TPD52L1: variants seen among roughly 807,000 people sequenced by gnomAD.
TPD52L1 encodes TPD52 like 1, also known as tumor protein D53.
In TPD52L1, 18 loss-of-function variants were observed where a neutral mutation model predicts 28.7. That is an observed-to-expected ratio of 0.63 (90% CI 0.43 to 0.93). The LOEUF is 0.93. TPD52L1 is among the 40% of genes least tolerant of loss of function. The probability of loss-of-function intolerance (pLI) is 0.00; values close to 1 mark genes in which losing one functional copy is unlikely to be tolerated. For synonymous variants in TPD52L1, 75 were observed against 88.8 expected, an observed-to-expected ratio of 0.84 and a Z score of 0.88; for missense variants, 203 against 254.8, an observed-to-expected ratio of 0.80 and a Z score of 1.39.
chr6:125,177,101 C>T (rs1026556439), intron 1 of TPD52L1, among the ~76,000 whole-genome samples: 19 of 152,138 alleles, frequency 1.2e-4, no homozygotes, highest in Non-Finnish European at 2.1e-4. Flanking sequence ...GATACAGTAA[C>T]GGCTGCTACT....
intron 1 of TPD52L1, among the ~76,000 whole-genome samples, chr6:125,181,992 T>C (rs911161319): frequency 1.3e-5 from 2 of 152,180 alleles, no homozygotes; most frequent in Non-Finnish European, 2.9e-5. Context: ...CACCCCTTCA[T>C]GTCAGTTTTT....
chr6:125,172,015 C>G (rs971664305), intron 1 of TPD52L1, among the ~76,000 whole-genome samples: 2 of 151,782 alleles, frequency 1.3e-5, no homozygotes, highest in Non-Finnish European at 2.9e-5. Context: ...AAAACGGTAC[C>G]CTTCCCCTAC....
chr6:125,201,897 T>C (rs527323555), intron 1 of TPD52L1, among the ~76,000 whole-genome samples: 1 of 152,224 alleles, frequency 6.6e-6, no homozygotes, highest in Non-Finnish European at 1.5e-5. Context: ...AAAAAGGATT[T>C]TTTTCCTGGG....
rs376192453 is a variant in TPD52L1 at position 125,253,914 on chromosome 6, G to A, written c.425+159G>A. On this transcript the variant is annotated intron_variant, in intron 5 of 6. Coordinates refer to ENST00000534000, the MANE Select transcript of TPD52L1 (RefSeq NM_003287.4). ...GACAATTCTGTGGAAGAATTGCGTA[G>A]CTTGGGCTTTTGACCAGACATCCTG... 128 of 813,710 alleles carry A rather than the reference G, an allele frequency of 1.6e-4. 3 individuals are homozygous for A. In the South Asian group the frequency reaches 1.7e-3, roughly 11 times the overall value. 50.4% of individuals were successfully genotyped at this position (813,710 alleles called of 1,614,324 possible).
At chr6:125,240,022 CCA>C (rs1039992916) in intron 3 of TPD52L1, among the ~76,000 whole-genome samples, 2 of 152,056 alleles carry the variant, frequency 1.3e-5, no homozygotes, top group Non-Finnish European at 2.9e-5. Flanking sequence ...AGATGAGGAT[CCA>C]GTTTCGTTCT....
intron 1 of TPD52L1, among the ~76,000 whole-genome samples, chr6:125,172,147 TCTTTCTTTC>T (rs1791405635): frequency 9.4e-5 from 7 of 74,758 alleles, no homozygotes; most frequent in African/African-American, 5.4e-4. Flanking sequence ...TTTCTTTCTT[TCTTTCTTTC>T]TTTTCTTTCT....
chr6:125,197,328 T>C (rs549486501), intron 1 of TPD52L1, among the ~76,000 whole-genome samples: 1 of 152,218 alleles, frequency 6.6e-6, no homozygotes, highest in Admixed American at 6.5e-5. Context: ...ATAATCTAAT[T>C]TAATAGTTCT....
intron 2 of TPD52L1, among the ~76,000 whole-genome samples, chr6:125,227,475 T>C (rs1201107902): frequency 6.6e-6 from 1 of 152,178 alleles, no homozygotes; most frequent in South Asian, 2.1e-4. Context: ...GTGATGCAGC[T>C]TGTGGTCCGA....
intron 1 of TPD52L1, among the ~76,000 whole-genome samples, chr6:125,216,250 G>A (rs1446875799): frequency 6.6e-6 from 1 of 151,980 alleles, no homozygotes; most frequent in Non-Finnish European, 1.5e-5. Flanking sequence ...AGCCTCTCTG[G>A]GTGATAGTTT....
intron 3 of TPD52L1, among the ~76,000 whole-genome samples, chr6:125,246,681 A>G (rs1367169202): frequency 6.6e-6 from 1 of 152,116 alleles, no homozygotes; most frequent in East Asian, 1.9e-4. Flanking sequence ...AAAAGAAATT[A>G]AGCAAACTTC....
intron 1 of TPD52L1, among the ~76,000 whole-genome samples, chr6:125,202,417 G>A (rs537515376): frequency 7.9e-5 from 12 of 152,126 alleles, no homozygotes; most frequent in African/African-American, 1.9e-4. Context: ...TGCACAGGTC[G>A]TGTTCACCTC....
intron 1 of TPD52L1, 27 bp downstream of exon 1, chr6:125,153,997 G>C (rs981730351): frequency 2.5e-6 from 4 of 1,600,022 alleles, no homozygotes; most frequent in Non-Finnish European, 2.6e-6. Context: ...CGCCCCGAGA[G>C]TCAGGTCCTG....
At chr6:125,177,531 C>T (rs147302181) in intron 1 of TPD52L1, among the ~76,000 whole-genome samples, 141 of 152,250 alleles carry the variant, frequency 9.3e-4, no homozygotes, top group Non-Finnish European at 1.6e-3. Context: ...GAGCTAGTAT[C>T]TTATACATGG....
At chr6:125,219,368 T>G (rs1795077923) in intron 1 of TPD52L1, among the ~76,000 whole-genome samples, 1 of 152,236 alleles carries the variant, frequency 6.6e-6, no homozygotes, top group African/African-American at 2.4e-5. Flanking sequence ...TCTTCCCATA[T>G]TTTCCTCTGC....
intron 3 of TPD52L1, among the ~76,000 whole-genome samples, chr6:125,230,596 G>A (rs1315997054): frequency 6.6e-6 from 1 of 152,164 alleles, no homozygotes; most frequent in Non-Finnish European, 1.5e-5. Context: ...AAATTTGCCT[G>A]CTGGTTCCTA....
intron 3 of TPD52L1, among the ~76,000 whole-genome samples, chr6:125,233,953 G>A (rs188482977): frequency 1.3e-5 from 2 of 152,288 alleles, no homozygotes; most frequent in African/African-American, 4.8e-5. Context: ...CTGTTGGCGT[G>A]CTGGTCAAAC....
intron 1 of TPD52L1, among the ~76,000 whole-genome samples, chr6:125,183,619 A>C (rs488314): frequency 0.59 from 89,952 of 152,144 alleles, 29,247 homozygotes; most frequent in African/African-American, 0.87. Context: ...TTCATGACTC[A>C]CCAGGTTCTT....
At chr6:125,180,335 CA>C (rs1206195426) in intron 1 of TPD52L1, among the ~76,000 whole-genome samples, 3 of 152,152 alleles carry the variant, frequency 2.0e-5, no homozygotes, top group Non-Finnish European at 4.4e-5. Flanking sequence ...CGTACTATTA[CA>C]TTTTCACAGA....
At chr6:125,176,152 CA>C (rs1411363797) in intron 1 of TPD52L1, among the ~76,000 whole-genome samples, 16 of 150,464 alleles carry the variant, frequency 1.1e-4, no homozygotes, top group Non-Finnish European at 1.8e-4. Flanking sequence ...CCTGGCAAAT[CA>C]AAGCCTCATT....
Sources: allele counts gnomAD v4.1 joint callset (sites outside exome capture counted in the v4.1 genomes callset), GRCh38; gene constraint gnomAD v4.1.1; transcripts MANE v1.5; gene names NCBI Gene and HGNC (gene_info 2026-07-23, HGNC 2026-07-21).